The following ZRANB3 variants were observed in gnomAD, a reference collection of about 807,000 sequenced individuals.
ZRANB3 encodes DNA annealing helicase and endonuclease ZRANB3.
In ZRANB3, 125 loss-of-function variants were observed where a neutral mutation model predicts 133.8. The observed-to-expected ratio is 0.93, with a 90% confidence interval of 0.81 to 1.08. The LOEUF (loss-of-function observed/expected upper bound fraction) is 1.08, where lower values mean the gene tolerates loss of function less well. ZRANB3 is among the 50% of genes least tolerant of loss of function. The probability of loss-of-function intolerance (pLI) is 0.00; values close to 1 mark genes in which losing one functional copy is unlikely to be tolerated. For synonymous variants in ZRANB3, 387 were observed against 432.7 expected (o/e 0.89, Z 1.31); for missense variants, 1,229 against 1,275.5 (o/e 0.96, Z 0.56).
rs1214522103 is a variant in ZRANB3, at chr2:135,207,741, A to C, written c.2702T>G (p.Leu901Trp). The C allele has an allele frequency of 4.3e-6, 7 of 1,613,912 alleles. No homozygotes were observed. In the African/African-American group the frequency reaches 9.3e-5, roughly 22 times the overall value. ...ATTTCCTTCATTATCCACAGCTTGC[A>C]AATAGCCTTTGGATGTAGAGGGCTT... ...TVKPSTSKGY[L>W]QAVDNEGNPL... Residue 901 changes from leucine to tryptophan, a missense_variant, in exon 19 of 21, where the codon TTG becomes TGG. Coordinates refer to ENST00000264159, the MANE Select transcript of ZRANB3 (RefSeq NM_032143.4).
chr2:135,259,602 G>C (rs989933013), intron 12 of ZRANB3, among the ~76,000 whole-genome samples: 1 of 152,028 alleles, frequency 6.6e-6, no homozygotes, highest in Non-Finnish European at 1.5e-5. Context: ...ATTTTTAGTA[G>C]AGATGGGGTT....
chr2:135,349,497 T>C (rs1284592021), intron 5 of ZRANB3, among the ~76,000 whole-genome samples: 2 of 152,238 alleles, frequency 1.3e-5, no homozygotes, highest in South Asian at 2.1e-4. Context: ...TATTCTTTCA[T>C]TCTAAGCAGA....
intron 3 of ZRANB3, among the ~76,000 whole-genome samples, chr2:135,370,879 T>C (rs539447531): frequency 6.6e-6 from 1 of 152,348 alleles, no homozygotes; most frequent in East Asian, 1.9e-4. Flanking sequence ...GCTGTTCGCA[T>C]GATAATGAGT....
At chr2:135,267,814 C>T (rs1428478226) in intron 11 of ZRANB3, among the ~76,000 whole-genome samples, 1 of 152,078 alleles carries the variant, frequency 6.6e-6, no homozygotes, top group Non-Finnish European at 1.5e-5. Context: ...TTGTATCCCC[C>T]CCAAATTCAG....
At chr2:135,285,137 G>A (rs1489375115) in intron 8 of ZRANB3, among the ~76,000 whole-genome samples, 1 of 152,090 alleles carries the variant, frequency 6.6e-6, no homozygotes, top group Non-Finnish European at 1.5e-5. Context: ...GAGCCACCGC[G>A]CCTGGCAAAG....
At chr2:135,324,389 T>C (rs1470169543) in intron 6 of ZRANB3, among the ~76,000 whole-genome samples, 3 of 152,158 alleles carry the variant, frequency 2.0e-5, no homozygotes, top group Admixed American at 6.5e-5. Context: ...GCTTCATCCA[T>C]GTCCCAACAA....
At chr2:135,368,245 G>T (rs914449125) in intron 3 of ZRANB3, among the ~76,000 whole-genome samples, 1 of 151,762 alleles carries the variant, frequency 6.6e-6, no homozygotes, top group African/African-American at 2.4e-5. Context: ...TAATGAGAAG[G>T]TTATCTAAAA....
chr2:135,270,874 T>C (rs1367151404), intron 10 of ZRANB3, among the ~76,000 whole-genome samples: 3 of 152,258 alleles, frequency 2.0e-5, no homozygotes, highest in Admixed American at 6.5e-5. Context: ...CAAAGTATTT[T>C]AGAATGCTGG....
chr2:135,378,521 C>T (rs1157554158), intron 3 of ZRANB3, among the ~76,000 whole-genome samples: 1 of 150,866 alleles, frequency 6.6e-6, no homozygotes, highest in Non-Finnish European at 1.5e-5. Context: ...AAACGTAAAA[C>T]ACAACTCTCC....
intron 13 of ZRANB3, among the ~76,000 whole-genome samples, chr2:135,230,091 G>C (rs1299714533): frequency 6.6e-6 from 1 of 152,148 alleles, no homozygotes; most frequent in Non-Finnish European, 1.5e-5. Flanking sequence ...AGCTACATTA[G>C]ATTATTTTGC....
At chr2:135,509,995 T>C (rs1693373002) in intron 1 of ZRANB3, among the ~76,000 whole-genome samples, 1 of 152,210 alleles carries the variant, frequency 6.6e-6, no homozygotes, top group Non-Finnish European at 1.5e-5. Flanking sequence ...TATTCAGTTT[T>C]TAAACATACC....
At chr2:135,481,938 T>C (rs2104794261) in intron 2 of ZRANB3, among the ~76,000 whole-genome samples, 1 of 140,016 alleles carries the variant, frequency 7.1e-6, no homozygotes, top group South Asian at 2.3e-4. Context: ...ATATGCGGCG[T>C]TATTTCTGAG....
intron 3 of ZRANB3, among the ~76,000 whole-genome samples, chr2:135,368,486 T>C (rs1573986170): frequency 1.3e-5 from 2 of 152,060 alleles, no homozygotes; most frequent in East Asian, 3.9e-4. Context: ...TGTCATAAAC[T>C]AATAAGTTAA....
In ZRANB3 at chr2:135,315,554, G is replaced by T. The variant is rs368941145; in HGVS notation, c.678-24C>A. ...ATCTGTTAAAATGAAGACAAAACATGTAGCAAAATTGAATGCTGGAGTTAA... is the reference window on the plus strand; with the variant it reads ...ATCTGTTAAAATGAAGACAAAACATTTAGCAAAATTGAATGCTGGAGTTAA... On this transcript the variant is annotated intron_variant, in intron 6 of 20. Coordinates refer to ENST00000264159, the MANE Select transcript of ZRANB3 (RefSeq NM_032143.4). 1.6e-5 allele frequency: 23 copies of T among 1,399,890 alleles called. No homozygotes were observed. In the South Asian group the frequency reaches 3.8e-4, roughly 23 times the overall value. The allele number at this position is 1,399,890 out of a possible 1,614,324, so 86.7% of individuals were successfully genotyped here.
At chr2:135,333,918 T>C (rs987482266) in intron 6 of ZRANB3, among the ~76,000 whole-genome samples, 1 of 152,210 alleles carries the variant, frequency 6.6e-6, no homozygotes, top group Non-Finnish European at 1.5e-5. Flanking sequence ...TTATGCATAT[T>C]TTACTGCAAT....
intron 6 of ZRANB3, among the ~76,000 whole-genome samples, chr2:135,333,040 T>C (rs955212621): frequency 3.3e-5 from 5 of 152,130 alleles, no homozygotes; most frequent in Admixed American, 3.3e-4. Flanking sequence ...GCTGGAGAAA[T>C]TGTACCTTAG....
chr2:135,441,235 A>G (rs1391242138), intron 2 of ZRANB3, among the ~76,000 whole-genome samples: 1 of 152,198 alleles, frequency 6.6e-6, no homozygotes, highest in African/African-American at 2.4e-5. Flanking sequence ...GCAGAAAGAG[A>G]AAAACAATTT....
chr2:135,282,598 TTATAAA>T lies in ZRANB3; in HGVS notation c.967-6849_967-6844del, dbSNP rs571729177. ...TTATCTCAAGGAGTATTTTACTTCC[TTATAAA>T]TATATCTGCAAATACAAATCTAATA... is the stretch of plus-strand genomic sequence containing the variant. On this transcript the variant is annotated intron_variant, in intron 8 of 20. Coordinates refer to ENST00000264159, the MANE Select transcript of ZRANB3 (RefSeq NM_032143.4). Among the ~76,000 whole-genome samples the T allele has an allele frequency of 4.4e-3, 673 of 152,338 alleles. 8 individuals are homozygous for T. Among genetic ancestry groups the T allele is most frequent in the African/African-American group, 0.015 (630 of 41,578 alleles).
intron 6 of ZRANB3, among the ~76,000 whole-genome samples, chr2:135,327,488 C>T (rs1683892422): frequency 6.6e-6 from 1 of 152,044 alleles, no homozygotes; most frequent in African/African-American, 2.4e-5. Context: ...AAGAAAGGAA[C>T]AGTCAACTTC....
Sources: allele counts gnomAD v4.1 joint callset (sites outside exome capture counted in the v4.1 genomes callset), GRCh38; gene constraint gnomAD v4.1.1; transcripts MANE v1.5; gene names NCBI Gene and HGNC (gene_info 2026-07-23, HGNC 2026-07-21).